ZNF136: variants seen among roughly 807,000 people sequenced by gnomAD.
ZNF136 encodes the protein zinc finger protein 136.
A neutral mutation model predicts 11.4 loss-of-function variants in ZNF136; 8 were observed. That is an observed-to-expected ratio of 0.70 (90% confidence interval 0.41 to 1.27). The LOEUF (loss-of-function observed/expected upper bound fraction) is 1.27. Ranked by LOEUF, ZNF136 falls within the 50% of genes most tolerant of loss-of-function variation. ZNF136 has a pLI of 0.01. For synonymous variants in ZNF136, 190 were observed against 207.1 expected (o/e 0.92, Z 0.71); for missense variants, 590 against 656.5 (o/e 0.90, Z 1.11).
rs370384772 is a variant in ZNF136, at chr19:12,187,013, G to A, written c.635G>A (p.Arg212Gln). ...GCTTTTGATTATCCCAGTAGATTTC[G>A]AACACATGAAAGAAGTCACACTGGA... is the stretch of plus-strand genomic sequence containing the variant. ...GKAFDYPSRFRTHERSHTGEK... is the reference protein window; with the variant it reads ...GKAFDYPSRFQTHERSHTGEK... The change falls in exon 4 of 4, where the codon CGA becomes CAA. Residue 212 changes from arginine to glutamine, a missense_variant. Arg to Gln is a conservative substitution (Grantham distance 43). Transcript: ENST00000343979. The A allele has an allele frequency of 9.6e-5, 155 of 1,613,918 alleles. No homozygotes were observed. Among genetic ancestry groups the A allele is most frequent in the South Asian group, 4.7e-4 (43 of 91,086 alleles).
rs772190178 is a variant in ZNF136 at position 12,186,166 on chromosome 19, A to AAAT, written c.184_186dup (p.Asn62dup). 6.2e-7 allele frequency: 1 copy of AAAT among 1,609,928 alleles called. No individual in the cohort carries two copies. The highest frequency in any genetic ancestry group is 8.5e-7 in the Non-Finnish European group (1 of 1,178,948). On this transcript the variant is annotated inframe_insertion, in exon 3 of 4. Transcript: ENST00000343979. ...AAGATCACTACAAACACCGAGGGAG[A>AAAT]AATCTAAGGTAATTTGTACTCAGAG...
intron 1 of ZNF136, chr19:12,163,643 T>G (rs1339670657): frequency 5.5e-6 from 1 of 180,824 alleles, no homozygotes; most frequent in African/African-American, 2.3e-5. Flanking sequence ...GCCTGCTGTT[T>G]CCAGGGCTTG....
Position 12,171,966 on chromosome 19 carries a change from T to TTC in ZNF136, c.3+8772_3+8773dup, listed in dbSNP as rs138770038. On this transcript the variant is annotated intron_variant, in intron 1 of 3. Transcript: ENST00000343979. ...TTTTAAAATTTTAAAATTTTTTATT[T>TTC]TCTCTCTCTCTCTTTTTTTTTTTTT... is the stretch of plus-strand genomic sequence containing the variant. 2.8e-3 allele frequency among the ~76,000 whole-genome samples: 415 copies of TTC among 145,742 alleles called. 7 individuals are homozygous for TTC. Among genetic ancestry groups the TTC allele is most frequent in the African/African-American group, 5.4e-3 (205 of 37,804 alleles).
intron 1 of ZNF136, chr19:12,164,996 A>G (rs1417864885): frequency 6.6e-6 from 1 of 152,166 alleles, no homozygotes; most frequent in African/African-American, 2.4e-5. Context: ...TTCCTGACAA[A>G]CAACTTTGTA....
rs1915130804 is a variant in ZNF136 at position 12,187,271 on chromosome 19, A to G, written c.893A>G (p.His298Arg). The G allele has an allele frequency of 1.9e-6, 3 of 1,614,124 alleles. No homozygotes were observed. Among genetic ancestry groups the G allele is most frequent in the Non-Finnish European group, 2.5e-6 (3 of 1,180,000 alleles). Residue 298 changes from histidine to arginine, a missense_variant, in exon 4 of 4, where the codon CAT (histidine) becomes CGT (arginine). Transcript: ENST00000343979. ...AGTTGTTCCCCAACCTTACGAATAC[A>G]TGAAAGAACCCATACTGGAGAGAAA... The part of the protein sequence containing the change: ...AFSCSPTLRI[H>R]ERTHTGEKPY...
chr19:12,173,922 T>C (rs926387483), intron 1 of ZNF136, among the ~76,000 whole-genome samples: 4 of 152,122 alleles, frequency 2.6e-5, no homozygotes, highest in African/African-American at 9.7e-5. Context: ...TTTTTCTTTT[T>C]GAGACAGAGT....
intron 1 of ZNF136, among the ~76,000 whole-genome samples, chr19:12,168,203 G>C (rs113423827): frequency 6.6e-6 from 1 of 151,058 alleles, no homozygotes. Context: ...CTCCCAAGTA[G>C]CTGGGATTAT....
At chr19:12,163,257 A>T in intron 1 of ZNF136, 51 bp downstream of exon 1, 2 of 1,353,462 alleles carry the variant, frequency 1.5e-6, no homozygotes, top group Non-Finnish European at 1.9e-6. Context: ...GGCTGGTTGG[A>T]CGACCGGAAC....
chr19:12,179,222 T>TA (rs1222412375), intron 1 of ZNF136, among the ~76,000 whole-genome samples: 4 of 150,702 alleles, frequency 2.7e-5, no homozygotes, highest in African/African-American at 4.9e-5. Flanking sequence ...AAAGAAGGTA[T>TA]AAAAAAAAGT....
chr19:12,172,651 G>A (rs1480942619), intron 1 of ZNF136, among the ~76,000 whole-genome samples: 1 of 152,204 alleles, frequency 6.6e-6, no homozygotes, highest in Non-Finnish European at 1.5e-5. Context: ...GTGTCAGTTA[G>A]GCAATTAGGT....
At chr19:12,164,439 CTTTTTTTT>C (rs61233117) in intron 1 of ZNF136, among the ~76,000 whole-genome samples, 116 of 122,848 alleles carry the variant, frequency 9.4e-4, no homozygotes, top group African/African-American at 3.2e-3. Context: ...TCCCAGATAA[CTTTTTTTT>C]TTTTTTTTTT....
At chr19:12,170,393 CTT>C (rs201586775) in intron 1 of ZNF136, among the ~76,000 whole-genome samples, 8 of 143,946 alleles carry the variant, frequency 5.6e-5, no homozygotes, top group Non-Finnish European at 3.1e-5. Flanking sequence ...TCATAAACTT[CTT>C]TTTTTTTTTT....
At chr19:12,180,327 T>C (rs1300916968) in intron 1 of ZNF136, among the ~76,000 whole-genome samples, 1 of 152,222 alleles carries the variant, frequency 6.6e-6, no homozygotes, top group East Asian at 1.9e-4. Context: ...AATTTTTCAA[T>C]ATGCCTCATA....
At position 12,187,193 on chromosome 19, in the gene ZNF136, G is replaced by T. The variant is rs1245692945; in HGVS notation, c.815G>T (p.Arg272Ile). ...CTGAGTTCATTTCAAGTGCATGAAA[G>T]AATTCACACTGGAGAAAAACCCTTT... is the stretch of plus-strand genomic sequence containing the variant. Reference protein sequence around the residue: ...HSLSSFQVHERIHTGEKPFKC... With the variant: ...HSLSSFQVHEIIHTGEKPFKC... The change falls in exon 4 of 4, where the codon AGA becomes ATA. Residue 272 changes from arginine (R) to isoleucine (I), a missense_variant. By Grantham distance (97) the Arg-to-Ile change is moderately conservative (BLOSUM62 -3). Coordinates refer to ENST00000343979, the MANE Select transcript of ZNF136 (RefSeq NM_003437.5). 1.9e-6 allele frequency: 3 copies of T among 1,613,854 alleles called. No individual in the cohort carries two copies. The highest frequency in any genetic ancestry group is 1.1e-5 in the South Asian group (1 of 91,058).
intron 1 of ZNF136, chr19:12,185,266 TAG>T (rs1915052935): frequency 6.6e-6 from 1 of 152,328 alleles, no homozygotes; most frequent in Non-Finnish European, 1.5e-5. Context: ...TGAGAGCATC[TAG>T]AGATCGCTGT....
chr19:12,170,499 CATCTCACCCTCCCAA>C (rs1914626980), intron 1 of ZNF136, among the ~76,000 whole-genome samples: 1 of 150,800 alleles, frequency 6.6e-6, no homozygotes, highest in Admixed American at 6.6e-5. Context: ...GCAATCCTTC[CATCTCACCCTCCCAA>C]GTAGCTGGGA....
At chr19:12,182,256 A>G (rs1412065404) in intron 1 of ZNF136, among the ~76,000 whole-genome samples, 1 of 151,886 alleles carries the variant, frequency 6.6e-6, no homozygotes, top group Non-Finnish European at 1.5e-5. Flanking sequence ...TCTCTCTTTT[A>G]TCTTCTCTAA....
intron 1 of ZNF136, among the ~76,000 whole-genome samples, chr19:12,174,735 A>T (rs1330020012): frequency 1.3e-5 from 2 of 151,718 alleles, no homozygotes; most frequent in African/African-American, 4.8e-5. Context: ...TCCCAGGTCC[A>T]CGCCATTCTC....
chr19:12,187,451 A>G lies in ZNF136; in HGVS notation c.1073A>G (p.His358Arg). 1 of 1,614,112 alleles carries G rather than the reference A, an allele frequency of 6.2e-7. No individual in the cohort carries two copies. The highest frequency in any genetic ancestry group is 8.5e-7 in the Non-Finnish European group (1 of 1,180,012). Reference sequence around the variant, plus strand: ...ACCTTTCAAATACATGAAAGGACTCACACTGGAGAAAAACCTTATGAATGT... The same window carrying G: ...ACCTTTCAAATACATGAAAGGACTCGCACTGGAGAAAAACCTTATGAATGT... ...ASTFQIHERT[H>R]TGEKPYECKE... Residue 358 changes from histidine to arginine, a missense_variant, in exon 4 of 4, where the codon CAC becomes CGC. By Grantham distance (29) the His-to-Arg change is conservative. Coordinates refer to ENST00000343979, the MANE Select transcript of ZNF136 (RefSeq NM_003437.5).
Sources: gnomAD v4.1 joint callset for allele counts (sites outside exome capture counted in the v4.1 genomes callset) on GRCh38, gnomAD v4.1.1 for gene constraint, MANE v1.5 for transcripts, NCBI Gene and HGNC (gene_info 2026-07-23, HGNC 2026-07-21) for gene names.